SOX5: variants seen among roughly 807,000 people sequenced by gnomAD.
SOX5 encodes SRY-box transcription factor 5.
In SOX5, 9 loss-of-function variants were observed where a neutral mutation model predicts 92.0. That is an observed-to-expected ratio of 0.10 (90% CI 0.06 to 0.17). The LOEUF (loss-of-function observed/expected upper bound fraction) is 0.17, where lower values mean the gene tolerates loss of function less well. Ranked by LOEUF, SOX5 falls within the 10% of genes least tolerant of loss-of-function variation. The probability of loss-of-function intolerance (pLI) is 1.00; values close to 1 mark genes in which losing one functional copy is unlikely to be tolerated. For synonymous variants in SOX5, 344 were observed against 336.3 expected (o/e 1.02, Z -0.25); for missense variants, 642 against 944.5 (o/e 0.68, Z 4.20).
chr12:24,006,315 T>C (rs936278386), intron 4 of SOX5, among the ~76,000 whole-genome samples: 15 of 152,182 alleles, frequency 9.9e-5, no homozygotes, highest in Admixed American at 6.6e-4. Flanking sequence ...GATGTTACAA[T>C]AACAAAAAGC....
chr12:24,376,549 A>G (rs150498905), intron 1 of SOX5, among the ~76,000 whole-genome samples: 215 of 152,294 alleles, frequency 1.4e-3, no homozygotes, highest in African/African-American at 4.8e-3. Flanking sequence ...CAGAGATGGT[A>G]AATGAGACTC....
chr12:23,566,746 TATC>T (rs1243452442), intron 10 of SOX5, among the ~76,000 whole-genome samples: 1 of 152,230 alleles, frequency 6.6e-6, no homozygotes, highest in Admixed American at 6.5e-5. Context: ...AGTGAGTAAA[TATC>T]ATCTTTTATC....
At chr12:24,279,799 C>T (rs10771075) in intron 2 of SOX5, among the ~76,000 whole-genome samples, 106,219 of 152,030 alleles carry the variant, frequency 0.7, 38,374 homozygotes, top group East Asian at 0.89. Flanking sequence ...CCTAGTGATC[C>T]GTTCTATCAC....
rs1487766487 is a variant in SOX5 at position 23,782,977 on chromosome 12, G to C, written c.482-27253C>G. On this transcript the variant is annotated intron_variant, in intron 3 of 14. Coordinates refer to ENST00000451604, the MANE Select transcript of SOX5 (RefSeq NM_006940.6). ...AAGGCCCTTTGAGAGCCTTTCCTCT[G>C]AAGAAAGCACACTGCCGTACCTGTG... Among the ~76,000 whole-genome samples the C allele has an allele frequency of 4.6e-5, 7 of 152,128 alleles. No individual in the cohort carries two copies. In the South Asian group the frequency reaches 6.2e-4, roughly 14 times the overall value.
intron 3 of SOX5, among the ~76,000 whole-genome samples, chr12:23,790,544 TCTCTCACACACACACA>T: frequency 2.5e-4 from 1 of 3,926 alleles, no homozygotes; most frequent in African/African-American, 9.9e-4. Flanking sequence ...TCTCTCTCAA[TCTCTCACACACACACA>T]CACACACACA....
intron 3 of SOX5, among the ~76,000 whole-genome samples, chr12:23,808,566 TTAAA>T (rs1252317959): frequency 2.6e-5 from 4 of 152,172 alleles, no homozygotes; most frequent in South Asian, 2.1e-4. Context: ...TATTTCATAC[TTAAA>T]TAAATTTCTA....
chr12:24,548,687 C>T (rs1952876381), intron 1 of SOX5, among the ~76,000 whole-genome samples: 1 of 152,184 alleles, frequency 6.6e-6, no homozygotes, highest in Non-Finnish European at 1.5e-5. Flanking sequence ...TCTGAAACAG[C>T]ATGTTTGTTT....
At chr12:23,875,643 T>C (rs992788888) in intron 2 of SOX5, among the ~76,000 whole-genome samples, 4 of 152,176 alleles carry the variant, frequency 2.6e-5, no homozygotes, top group Non-Finnish European at 4.4e-5. Context: ...AAAGTAATGA[T>C]AGCAAGTCTG....
intron 9 of SOX5, among the ~76,000 whole-genome samples, chr12:23,585,587 G>A (rs866773851): frequency 1.3e-5 from 2 of 152,122 alleles, no homozygotes; most frequent in Admixed American, 6.6e-5. Context: ...CCTAGACTGA[G>A]TTCCACTGTT....
chr12:24,240,307 G>A (rs1422292099), intron 3 of SOX5, among the ~76,000 whole-genome samples: 5 of 152,060 alleles, frequency 3.3e-5, no homozygotes, highest in East Asian at 1.9e-4. Context: ...CTGTTGTAAC[G>A]CCTCACTTGC....
At chr12:23,982,391 T>C (rs1949655419) in intron 4 of SOX5, among the ~76,000 whole-genome samples, 1 of 152,192 alleles carries the variant, frequency 6.6e-6, no homozygotes, top group African/African-American at 2.4e-5. Flanking sequence ...TGGAGAAGAA[T>C]CATTGCTTTT....
intron 1 of SOX5, among the ~76,000 whole-genome samples, chr12:24,505,772 T>C (rs1948655200): frequency 6.6e-6 from 1 of 152,162 alleles, no homozygotes. Context: ...ACAGCATATG[T>C]CATGCTTCCT....
At chr12:23,814,493 T>C (rs2095946152) in intron 3 of SOX5, among the ~76,000 whole-genome samples, 1 of 152,198 alleles carries the variant, frequency 6.6e-6, no homozygotes, top group Non-Finnish European at 1.5e-5. Flanking sequence ...AAAAGTTCCC[T>C]TGAAGATATT....
At chr12:24,413,915 T>A (rs1037049216) in intron 1 of SOX5, among the ~76,000 whole-genome samples, 4 of 152,190 alleles carry the variant, frequency 2.6e-5, no homozygotes, top group Non-Finnish European at 5.9e-5. Context: ...TAAAAACACT[T>A]GAGTGTGTGC....
Position 24,244,072 on chromosome 12 carries a change from G to A in SOX5, c.-76-30655C>T, listed in dbSNP as rs533435828. Among the ~76,000 whole-genome samples the A allele has an allele frequency of 7.3e-5, 11 of 149,700 alleles. No individual in the cohort carries two copies. The East Asian group carries it at 9.8e-4, about 13-fold the overall frequency. On this transcript the variant is annotated intron_variant, in intron 3 of 4. Coordinates refer to the SOX5 transcript ENST00000446891. Reference sequence around the variant, plus strand: ...ATAAAAAAAAAAAAAAAAAAGAAAAGGTTGGACATTTTACACCAAATCATA... The same window carrying A: ...ATAAAAAAAAAAAAAAAAAAGAAAAAGTTGGACATTTTACACCAAATCATA...
intron 1 of SOX5, among the ~76,000 whole-genome samples, chr12:23,911,269 C>T (rs1826337388): frequency 6.6e-6 from 1 of 151,904 alleles, no homozygotes; most frequent in African/African-American, 2.4e-5. Flanking sequence ...TTACAAAACC[C>T]CAAAAAAATG....
At chr12:24,370,528 AT>A (rs1294105170) in intron 1 of SOX5, among the ~76,000 whole-genome samples, 1 of 150,754 alleles carries the variant, frequency 6.6e-6, no homozygotes, top group Non-Finnish European at 1.5e-5. Flanking sequence ...ACAGTGGCTC[AT>A]GCCTGTAATC....
At chr12:23,733,793 T>C (rs1397154617) in intron 6 of SOX5, among the ~76,000 whole-genome samples, 1 of 152,216 alleles carries the variant, frequency 6.6e-6, no homozygotes, top group Non-Finnish European at 1.5e-5. Flanking sequence ...AAGAGAATCA[T>C]GAATTTCTCT....
chr12:23,858,903 G>A (rs1313291091), intron 2 of SOX5, among the ~76,000 whole-genome samples: 3 of 152,076 alleles, frequency 2.0e-5, no homozygotes, highest in Non-Finnish European at 2.9e-5. Context: ...TGTCTTTACT[G>A]CAATCTCTGA....
Sources: gnomAD v4.1 joint callset for allele counts (sites outside exome capture counted in the v4.1 genomes callset) on GRCh38, gnomAD v4.1.1 for gene constraint, MANE v1.5 for transcripts, NCBI Gene and HGNC (gene_info 2026-07-23, HGNC 2026-07-21) for gene names.